SPAG16: variants seen among roughly 807,000 people sequenced by gnomAD.
SPAG16 encodes sperm associated antigen 16.
Under a neutral mutation model 80.4 loss-of-function variants are expected in SPAG16, and 86 were observed. The observed-to-expected ratio is 1.07, with a 90% CI of 0.90 to 1.28. The LOEUF is 1.28. Among genes scored for constraint, SPAG16 ranks in the 50% most tolerant of loss-of-function variants. SPAG16 has a pLI of 0.00. For synonymous variants in SPAG16, 294 were observed against 265.9 expected, an observed-to-expected ratio of 1.11 and a Z score of -1.03; for missense variants, 870 against 765.3, an observed-to-expected ratio of 1.14 and a Z score of -1.61.
intron 10 of SPAG16, among the ~76,000 whole-genome samples, chr2:213,737,026 A>C (rs1236584665): frequency 6.6e-6 from 1 of 152,164 alleles, no homozygotes; most frequent in Admixed American, 6.5e-5. Context: ...GATCTTTTCA[A>C]CTAACTCATG....
intron 15 of SPAG16, among the ~76,000 whole-genome samples, chr2:214,236,647 G>A (rs1479466699): frequency 2.0e-5 from 3 of 148,838 alleles, no homozygotes; most frequent in Non-Finnish European, 3.0e-5. Context: ...GCGAGACTCC[G>A]TTTCAAAAAA....
chr2:213,477,172 T>C (rs2073449274), intron 9 of SPAG16, among the ~76,000 whole-genome samples: 1 of 152,156 alleles, frequency 6.6e-6, no homozygotes, highest in South Asian at 2.1e-4. Context: ...ACTCTGGTCC[T>C]AGACTCTATC....
rs7593741 is a variant in SPAG16 at position 213,307,188 on chromosome 2, G to T, written c.280-2871G>T. On this transcript the variant is annotated intron_variant, in intron 3 of 15. Coordinates refer to ENST00000331683, the MANE Select transcript of SPAG16 (RefSeq NM_024532.5). Reference sequence around the variant, plus strand: ...GTAATAAACATCAGTGTTGAATTTTGTTTTTTTTTATTTTTTTTACTTTAT... The same window carrying T: ...GTAATAAACATCAGTGTTGAATTTTTTTTTTTTTTATTTTTTTTACTTTAT... 8.3e-3 allele frequency among the ~76,000 whole-genome samples: 1,255 copies of T among 150,758 alleles called. 18 individuals carry two copies. The highest frequency in any genetic ancestry group is 0.028 in the African/African-American group (1,163 of 40,986).
intron 9 of SPAG16, among the ~76,000 whole-genome samples, chr2:213,422,786 G>A (rs1266228475): frequency 6.6e-6 from 1 of 152,178 alleles, no homozygotes; most frequent in African/African-American, 2.4e-5. Flanking sequence ...TCTAGATGAA[G>A]GATTAGCCCT....
chr2:213,901,505 A>G (rs2077219688), intron 11 of SPAG16, among the ~76,000 whole-genome samples: 2 of 152,158 alleles, frequency 1.3e-5, no homozygotes, highest in Admixed American at 6.5e-5. Flanking sequence ...GTGAAAAGGA[A>G]TAATACCACT....
chr2:213,311,475 T>C (rs1434069891), intron 4 of SPAG16, among the ~76,000 whole-genome samples: 1 of 151,708 alleles, frequency 6.6e-6, no homozygotes, highest in Non-Finnish European at 1.5e-5. Flanking sequence ...ATTCGGTGAC[T>C]ATTGTCATAT....
chr2:213,952,380 C>A (rs1477034562), intron 12 of SPAG16, among the ~76,000 whole-genome samples: 2 of 151,786 alleles, frequency 1.3e-5, no homozygotes, highest in African/African-American at 4.8e-5. Context: ...CAGTTGTAAC[C>A]ATTCATAGAA....
In SPAG16 at chr2:213,775,202, T is replaced by C. The variant is rs534727544; in HGVS notation, c.1071-87283T>C. Among the ~76,000 whole-genome samples, 157 of 152,360 alleles carry C rather than the reference T, an allele frequency of 1.0e-3. 1 individual carries two copies. The highest frequency in any genetic ancestry group is 3.7e-3 in the African/African-American group (153 of 41,592). Reference sequence around the variant, plus strand: ...TTTAGATTTTGTTTTAAAAATTTTCTTTGCATCCTCAGTTCTTTGCTGGGC... The same window carrying C: ...TTTAGATTTTGTTTTAAAAATTTTCCTTGCATCCTCAGTTCTTTGCTGGGC... On this transcript the variant is annotated intron_variant, in intron 10 of 15. Coordinates refer to ENST00000331683, the MANE Select transcript of SPAG16 (RefSeq NM_024532.5).
At chr2:213,444,730 GAAA>G (rs1022205871) in intron 9 of SPAG16, among the ~76,000 whole-genome samples, 3 of 151,332 alleles carry the variant, frequency 2.0e-5, no homozygotes, top group Non-Finnish European at 2.9e-5. Flanking sequence ...CATAGGAAAA[GAAA>G]AAAAATTCTA....
intron 10 of SPAG16, among the ~76,000 whole-genome samples, chr2:213,852,364 A>G (rs2074950160): frequency 6.6e-6 from 1 of 152,180 alleles, no homozygotes; most frequent in African/African-American, 2.4e-5. Flanking sequence ...ATCATATATA[A>G]TTCTCCTACT....
At chr2:214,112,022 G>C (rs529980959) in intron 14 of SPAG16, among the ~76,000 whole-genome samples, 158 of 152,242 alleles carry the variant, frequency 1.0e-3, no homozygotes, top group African/African-American at 3.7e-3. Flanking sequence ...AGGAGATTTT[G>C]GGCTGAGGCG....
chr2:214,311,258 C>A (rs1695292164), intron 15 of SPAG16, among the ~76,000 whole-genome samples: 1 of 152,112 alleles, frequency 6.6e-6, no homozygotes, highest in Admixed American at 6.5e-5. Flanking sequence ...TCCCACAGCT[C>A]CCCAGGGACC....
intron 10 of SPAG16, among the ~76,000 whole-genome samples, chr2:213,581,328 C>G (rs1196757015): frequency 6.6e-6 from 1 of 151,994 alleles, no homozygotes; most frequent in Non-Finnish European, 1.5e-5. Context: ...AGTGATTCTC[C>G]ACCTTAGCCT....
intron 5 of SPAG16, among the ~76,000 whole-genome samples, chr2:213,324,145 G>T (rs2063745212): frequency 6.6e-6 from 1 of 152,018 alleles, no homozygotes; most frequent in African/African-American, 2.4e-5. Context: ...TATACTCAAA[G>T]AAAGTAAACA....
chr2:214,130,717 C>G (rs2054723456), intron 14 of SPAG16, among the ~76,000 whole-genome samples: 1 of 152,088 alleles, frequency 6.6e-6, no homozygotes, highest in South Asian at 2.1e-4. Flanking sequence ...GCCTATAAGA[C>G]AAAGATCTCA....
At chr2:213,599,370 G>A (rs975904483) in intron 10 of SPAG16, among the ~76,000 whole-genome samples, 13 of 152,112 alleles carry the variant, frequency 8.5e-5, no homozygotes, top group Non-Finnish European at 2.9e-5. Context: ...GCATTAAACT[G>A]CGCAGGTCCA....
chr2:213,850,667 A>G (rs2074854953), intron 10 of SPAG16, among the ~76,000 whole-genome samples: 1 of 150,940 alleles, frequency 6.6e-6, no homozygotes, highest in Non-Finnish European at 1.5e-5. Context: ...TCTAAGACTC[A>G]CCTTCGAGAA....
chr2:213,415,936 T>A (rs1375529031), intron 9 of SPAG16, among the ~76,000 whole-genome samples: 1 of 152,148 alleles, frequency 6.6e-6, no homozygotes, highest in Non-Finnish European at 1.5e-5. Context: ...ATGTTGAGGA[T>A]GTAGAGGAGT....
Position 213,594,517 on chromosome 2 carries a change from G to T in SPAG16, c.1070+104427G>T, listed in dbSNP as rs147693175. On this transcript the variant is annotated intron_variant, in intron 10 of 15. Transcript: ENST00000331683. ...TGATTTTTGCGGGGAGAATGGGGGTGTGCTCACTCTTTTTTCTCTTTCTAT... is the reference window on the plus strand; with the variant it reads ...TGATTTTTGCGGGGAGAATGGGGGTTTGCTCACTCTTTTTTCTCTTTCTAT... 7.2e-5 allele frequency among the ~76,000 whole-genome samples: 11 copies of T among 152,260 alleles called. 1 individual carries two copies. The highest frequency in any genetic ancestry group is 2.6e-4 in the African/African-American group (11 of 41,552).
Sources: allele counts gnomAD v4.1 joint callset (sites outside exome capture counted in the v4.1 genomes callset), GRCh38; gene constraint gnomAD v4.1.1; transcripts MANE v1.5; gene names NCBI Gene and HGNC (gene_info 2026-07-23, HGNC 2026-07-21).